The following CYTIP variants were observed in gnomAD, a reference collection of about 807,000 sequenced individuals.
CYTIP encodes cytohesin 1 interacting protein, also known as cytohesin-interacting protein.
CYTIP carries 26 observed loss-of-function variants against 43.8 expected under a neutral mutation model. The ratio of observed to expected loss-of-function variants is 0.59; its 90% CI spans 0.44 to 0.82. The LOEUF is 0.82. Ranked by LOEUF, CYTIP falls within the 40% of genes least tolerant of loss-of-function variation. The pLI is 0.00. For missense variants in CYTIP, 426 were observed against 443.1 expected, an observed-to-expected ratio of 0.96 and a Z score of 0.35; for synonymous variants, 162 against 162.9, an observed-to-expected ratio of 0.99 and a Z score of 0.04.
rs780640895 is a variant in CYTIP at position 157,443,892 on chromosome 2, T to C, written c.129A>G (p.Gln43=). The change falls in exon 1 of 8, where the codon CAA becomes CAG. Residue 43 remains glutamine (Q), a synonymous_variant. Coordinates refer to ENST00000264192, the MANE Select transcript of CYTIP (RefSeq NM_004288.5). ...GAGTAGCCACCGTGTCTGCTAGCAT[T>C]TGAATCCTTCTATTATCGTCCATCG... ...SLTMDDNRRI[Q]MLADTVATLP... 3.1e-6 allele frequency: 5 copies of C among 1,614,126 alleles called. No homozygotes were observed. Among genetic ancestry groups the C allele is most frequent in the Non-Finnish European group, 4.2e-6 (5 of 1,179,978 alleles).
chr2:157,435,961 C>T (rs1685803024), intron 1 of CYTIP, among the ~76,000 whole-genome samples: 1 of 152,138 alleles, frequency 6.6e-6, no homozygotes, highest in Non-Finnish European at 1.5e-5. Context: ...TACCAGGTAC[C>T]AAATGCCAGC....
Position 157,430,916 on chromosome 2 carries a change from G to T in CYTIP, c.326C>A (p.Thr109Asn). The change falls in exon 4 of 8, where the codon ACT becomes AAT. Residue 109 changes from threonine to asparagine, a missense_variant. Transcript: ENST00000264192. ...GTCCTCCTGTATTTTGCATATCAAA[G>T]TGAACATTTCCGAGGAGCAGGCATT... ...NQNACSSEMF[T>N]LICKIQEDSP... 6.2e-7 allele frequency: 1 copy of T among 1,613,986 alleles called. No homozygotes were observed. Among genetic ancestry groups the T allele is most frequent in the African/African-American group, 1.3e-5 (1 of 75,062 alleles).
intron 6 of CYTIP, among the ~76,000 whole-genome samples, chr2:157,419,215 A>C (rs1037754138): frequency 2.6e-5 from 4 of 152,132 alleles, no homozygotes; most frequent in Non-Finnish European, 5.9e-5. Flanking sequence ...GGCCAGGCTG[A>C]TCTCGAACTC....
intron 3 of CYTIP, among the ~76,000 whole-genome samples, chr2:157,432,745 A>G (rs2105142052): frequency 6.6e-6 from 1 of 152,326 alleles, no homozygotes; most frequent in Admixed American, 6.5e-5. Flanking sequence ...CTGCATGCAC[A>G]ATATGGGTAC....
chr2:157,431,589 C>T (rs1274823439), intron 3 of CYTIP, among the ~76,000 whole-genome samples: 1 of 152,172 alleles, frequency 6.6e-6, no homozygotes, highest in Non-Finnish European at 1.5e-5. Context: ...CAATTAGGCA[C>T]AAGTAGTTTG....
chr2:157,438,451 T>C (rs1193114576), intron 1 of CYTIP, among the ~76,000 whole-genome samples: 1 of 152,222 alleles, frequency 6.6e-6, no homozygotes, highest in Non-Finnish European at 1.5e-5. Context: ...GAATAAGTTC[T>C]AGTGCTCTAT....
At chr2:157,431,586 G>T (rs1685714831) in intron 3 of CYTIP, among the ~76,000 whole-genome samples, 1 of 152,104 alleles carries the variant, frequency 6.6e-6, no homozygotes, top group African/African-American at 2.4e-5. Context: ...CCTCAATTAG[G>T]CACAAGTAGT....
intron 1 of CYTIP, among the ~76,000 whole-genome samples, chr2:157,439,833 AG>A (rs1279135750): frequency 2.6e-5 from 4 of 152,236 alleles, no homozygotes; most frequent in African/African-American, 9.6e-5. Context: ...ATAACTTAAA[AG>A]ATCAGGCATT....
intron 3 of CYTIP, among the ~76,000 whole-genome samples, chr2:157,431,975 T>G (rs1195795522): frequency 6.6e-6 from 1 of 152,198 alleles, no homozygotes; most frequent in Non-Finnish European, 1.5e-5. Context: ...TCCCCATATC[T>G]TAAAGGTAGA....
Position 157,427,345 on chromosome 2 carries a change from A to T in CYTIP, c.546+6T>A. 1 of 1,602,456 alleles carries T rather than the reference A, an allele frequency of 6.2e-7. No individual in the cohort carries two copies. On this transcript the variant is annotated splice_donor_region_variant and intron_variant, in intron 6 of 7. Coordinates refer to ENST00000264192, the MANE Select transcript of CYTIP (RefSeq NM_004288.5). Reference sequence around the variant, plus strand: ...AAATGTGCCTCACTGCATTAAATTAAATTACCTTTAAAACCTGCAGCTTTG... The same window carrying T: ...AAATGTGCCTCACTGCATTAAATTATATTACCTTTAAAACCTGCAGCTTTG...
intron 7 of CYTIP, among the ~76,000 whole-genome samples, chr2:157,416,796 T>C (rs1685445459): frequency 6.6e-6 from 1 of 152,234 alleles, no homozygotes; most frequent in African/African-American, 2.4e-5. Context: ...AAATCATCCT[T>C]GTCCTCAAGT....
chr2:157,419,790 A>T (rs1685492171), intron 6 of CYTIP, among the ~76,000 whole-genome samples: 1 of 152,248 alleles, frequency 6.6e-6, no homozygotes, highest in Admixed American at 6.5e-5. Flanking sequence ...GTATATTTGG[A>T]GAAGGATTAA....
In CYTIP at chr2:157,438,727, C is replaced by CA. The variant is rs539620902; in HGVS notation, c.175-3981dup. Among the ~76,000 whole-genome samples, 91 of 142,084 alleles carry CA rather than the reference C, an allele frequency of 6.4e-4. No individual in the cohort carries two copies. The East Asian group carries it at 7.3e-3, about 11-fold the overall frequency. 93.2% of individuals were successfully genotyped at this position (142,084 alleles called of 152,430 possible). A position where few individuals can be genotyped will look rare whatever the true frequency, so the allele number is the denominator to read the frequency against. ...TTAAATGAAAGAAAACAGACAAGAA[C>CA]AAAAAAAAAAATTCAATCCGAAACA... On this transcript the variant is annotated intron_variant, in intron 1 of 7. Coordinates refer to ENST00000264192, the MANE Select transcript of CYTIP (RefSeq NM_004288.5).
chr2:157,422,706 A>C (rs1345229102), intron 6 of CYTIP, among the ~76,000 whole-genome samples: 2 of 151,762 alleles, frequency 1.3e-5, no homozygotes, highest in African/African-American at 4.8e-5. Flanking sequence ...TCCAAAAAAG[A>C]CTTTAAAATA....
At chr2:157,422,362 AAATG>A (rs746068236) in intron 6 of CYTIP, among the ~76,000 whole-genome samples, 1 of 152,232 alleles carries the variant, frequency 6.6e-6, no homozygotes, top group Non-Finnish European at 1.5e-5. Flanking sequence ...TCTCTAAACA[AAATG>A]AAAATAGAAA....
intron 6 of CYTIP, among the ~76,000 whole-genome samples, chr2:157,425,236 T>C (rs1450696439): frequency 1.3e-5 from 2 of 152,094 alleles, no homozygotes; most frequent in African/African-American, 2.4e-5. Context: ...AAAACTCTCT[T>C]CCAATAGTAG....
intron 3 of CYTIP, among the ~76,000 whole-genome samples, chr2:157,433,999 A>G (rs1359341218): frequency 2.0e-5 from 3 of 152,202 alleles, no homozygotes; most frequent in African/African-American, 7.2e-5. Context: ...TCTGATACAC[A>G]GTATAACAAT....
intron 1 of CYTIP, among the ~76,000 whole-genome samples, chr2:157,441,590 G>A (rs1183441219): frequency 1.9e-5 from 2 of 104,874 alleles, no homozygotes; most frequent in Non-Finnish European, 3.7e-5. Context: ...ATGTGTACAT[G>A]TATATATGCA....
In CYTIP at chr2:157,427,424, T is replaced by A. The variant is rs377503562; in HGVS notation, c.477-4A>T. On this transcript the variant is annotated splice_polypyrimidine_tract_variant and splice_region_variant and intron_variant, in intron 5 of 7. Transcript: ENST00000264192. ...TGTTCCATTAAGAGTCTCTATCCTG[T>A]TTTAAGGAAAAAAAAAAGAAGAGGA... 2.5e-6 allele frequency: 4 copies of A among 1,588,300 alleles called. No homozygotes were observed. The African/African-American group carries it at 4.1e-5, about 16-fold the overall frequency.
Sources: allele counts gnomAD v4.1 joint callset (sites outside exome capture counted in the v4.1 genomes callset), GRCh38; gene constraint gnomAD v4.1.1; transcripts MANE v1.5; gene names NCBI Gene and HGNC (gene_info 2026-07-23, HGNC 2026-07-21).